Variants in ANKRD6 observed in about 807,000 individuals in gnomAD.
The protein encoded by ANKRD6 is ankyrin repeat domain 6.
ANKRD6 carries 56 observed loss-of-function variants against 82.3 expected under a neutral mutation model. The ratio of observed to expected loss-of-function variants is 0.68; its 90% confidence interval spans 0.55 to 0.85. The LOEUF (loss-of-function observed/expected upper bound fraction) is 0.85. ANKRD6 is among the 40% of genes least tolerant of loss of function. The pLI, the probability that ANKRD6 is intolerant of heterozygous loss-of-function variation, is 0.00. For synonymous variants in ANKRD6, 347 were observed against 352.1 expected (o/e 0.99, Z 0.16); for missense variants, 852 against 907.6 (o/e 0.94, Z 0.79).
chr6:89,603,159 A>G, intron 4 of ANKRD6, 32 bp downstream of exon 4: 1 of 1,565,850 alleles, frequency 6.4e-7, no homozygotes. Context: ...TTACTCCCCA[A>G]GGCAAGGGAA....
chr6:89,606,095 C>G lies in ANKRD6; in HGVS notation c.407C>G (p.Ala136Gly). 2 of 1,570,042 alleles carry G rather than the reference C, an allele frequency of 1.3e-6. No homozygotes were observed. Among genetic ancestry groups the G allele is most frequent in the South Asian group, 1.2e-5 (1 of 84,520 alleles). Residue 136 changes from alanine (A) to glycine (G), a missense_variant, in exon 5 of 16, where the codon GCC becomes GGC. Ala to Gly is a moderately conservative substitution (Grantham distance 60). Transcript: ENST00000339746. ...ATTAAAGCAGGAGCCAACGTGCTTG[C>G]CAAGAACAAGGTGAGGCCTGGCAGA... ...LLIKAGANVL[A>G]KNKAGNTALH...
intron 1 of ANKRD6, among the ~76,000 whole-genome samples, chr6:89,485,219 G>T (rs1382740644): frequency 6.6e-6 from 1 of 152,148 alleles, no homozygotes; most frequent in East Asian, 1.9e-4. Flanking sequence ...GTGGAGTATT[G>T]GCAAGCATCT....
chr6:89,630,773 C>T lies in ANKRD6; in HGVS notation c.1953C>T (p.Ser651=), dbSNP rs771125982. 12 of 1,613,710 alleles carry T rather than the reference C, an allele frequency of 7.4e-6. No homozygotes were observed. Among genetic ancestry groups the T allele is most frequent in the Non-Finnish European group, 9.3e-6 (11 of 1,179,854 alleles). Residue 651 remains serine (S), a synonymous_variant, in exon 16 of 16, where the codon AGC becomes AGT. Transcript: ENST00000339746. ...TCGQPPPATG[S]EQTGPHIRDT... ...GGCAGCCGCCACCAGCCACAGGCAG[C>T]GAGCAGACTGGCCCTCACATTCGGG... is the stretch of plus-strand genomic sequence containing the variant.
intron 9 of ANKRD6, chr6:89,619,673 G>A (rs530683156): frequency 6.6e-6 from 1 of 152,264 alleles, no homozygotes; most frequent in South Asian, 2.1e-4. Context: ...ATATGCTGAG[G>A]CTTTTTCTCA....
intron 1 of ANKRD6, among the ~76,000 whole-genome samples, chr6:89,502,777 C>G (rs1204508249): frequency 1.3e-5 from 2 of 152,124 alleles, no homozygotes; most frequent in African/African-American, 4.8e-5. Context: ...GTGGCAGGTA[C>G]TATTCTAAGT....
chr6:89,606,031 G>T lies in ANKRD6; in HGVS notation c.343G>T (p.Ala115Ser). ...DKDGNTALHE[A>S]SWHGFSQSAK... ...GGATGGGAATACAGCCTTGCATGAA[G>T]CATCCTGGCATGGTTTCAGCCAGTC... is the stretch of plus-strand genomic sequence containing the variant. Residue 115 changes from alanine to serine, a missense_variant, in exon 5 of 16, where the codon GCA becomes TCA. Ala to Ser is a moderately conservative substitution (Grantham distance 99). Coordinates refer to ENST00000339746, the MANE Select transcript of ANKRD6 (RefSeq NM_001242809.2). The T allele has an allele frequency of 6.3e-7, 1 of 1,596,132 alleles. No individual in the cohort carries two copies. Among genetic ancestry groups the T allele is most frequent in the Non-Finnish European group, 8.5e-7 (1 of 1,170,656 alleles).
At position 89,633,646 on chromosome 6, in the gene ANKRD6, T is replaced by G. The variant is rs1478431710; in HGVS notation, c.*2642T>G. ...ATAAATTAGTTCTAACTTTTGATTT[T>G]GGGAGCCCAAAATAAAGGGAGTGTT... is the stretch of plus-strand genomic sequence containing the variant. On this transcript the variant is annotated 3_prime_UTR_variant, in exon 16 of 16. Coordinates refer to ENST00000339746, the MANE Select transcript of ANKRD6 (RefSeq NM_001242809.2). The G allele has an allele frequency of 6.6e-6, 1 of 152,222 alleles. No homozygotes were observed. Among genetic ancestry groups the G allele is most frequent in the Non-Finnish European group, 1.5e-5 (1 of 68,034 alleles). 9.4% of individuals were successfully genotyped at this position (152,222 alleles called of 1,614,324 possible).
chr6:89,434,518 G>A (rs1465439324), intron 1 of ANKRD6, among the ~76,000 whole-genome samples: 3 of 152,040 alleles, frequency 2.0e-5, no homozygotes, highest in Non-Finnish European at 4.4e-5. Flanking sequence ...ACAGAGTTTC[G>A]CTCTGTTGCC....
At chr6:89,492,228 G>C (rs1778101389) in intron 1 of ANKRD6, among the ~76,000 whole-genome samples, 1 of 152,202 alleles carries the variant, frequency 6.6e-6, no homozygotes, top group African/African-American at 2.4e-5. Flanking sequence ...TGGGAAGAGA[G>C]AAGGGAGCAG....
chr6:89,509,347 A>G (rs1276734292), intron 1 of ANKRD6: 3 of 152,280 alleles, frequency 2.0e-5, no homozygotes, highest in African/African-American at 7.2e-5. Flanking sequence ...CACTGGGCCA[A>G]GTCAGTGACC....
chr6:89,581,016 C>T (rs892334398), intron 2 of ANKRD6, among the ~76,000 whole-genome samples: 2 of 152,160 alleles, frequency 1.3e-5, no homozygotes, highest in African/African-American at 2.4e-5. Context: ...GCCTAGTCCT[C>T]CTCCCATGCT....
At chr6:89,534,296 A>G (rs879401460) in intron 1 of ANKRD6, among the ~76,000 whole-genome samples, 1 of 152,192 alleles carries the variant, frequency 6.6e-6, no homozygotes, top group East Asian at 1.9e-4. Context: ...AAAGCTTTTC[A>G]ATTAATTTAT....
chr6:89,532,877 A>ATT (rs61548190), intron 1 of ANKRD6, among the ~76,000 whole-genome samples: 103 of 123,236 alleles, frequency 8.4e-4, no homozygotes, highest in Middle Eastern at 4.5e-3. Context: ...GATTTTTTGT[A>ATT]TTTTTTTTTT....
chr6:89,595,814 C>A, intron 2 of ANKRD6, 102 bp from the exon 3 acceptor site: 1 of 841,782 alleles, frequency 1.2e-6, no homozygotes, highest in South Asian at 1.5e-5. Context: ...AGGGAGTGAT[C>A]ATCCGAAAGC....
At chr6:89,459,203 C>T (rs1445879247) in intron 1 of ANKRD6, among the ~76,000 whole-genome samples, 1 of 151,978 alleles carries the variant, frequency 6.6e-6, no homozygotes, top group Non-Finnish European at 1.5e-5. Flanking sequence ...CTCAGCCTCC[C>T]GAGTAGCTGG....
chr6:89,468,941 T>C (rs1475027766), intron 1 of ANKRD6, among the ~76,000 whole-genome samples: 1 of 152,128 alleles, frequency 6.6e-6, no homozygotes, highest in Non-Finnish European at 1.5e-5. Flanking sequence ...TTAAGAATAA[T>C]GATTGTTGCC....
chr6:89,510,260 G>A (rs1212692375), intron 1 of ANKRD6, among the ~76,000 whole-genome samples: 2 of 152,130 alleles, frequency 1.3e-5, no homozygotes, highest in African/African-American at 4.8e-5. Context: ...TGAGATTTGA[G>A]GCTTGTTTGT....
At chr6:89,585,698 C>G (rs1468281228) in intron 2 of ANKRD6, among the ~76,000 whole-genome samples, 1 of 152,066 alleles carries the variant, frequency 6.6e-6, no homozygotes, top group African/African-American at 2.4e-5. Flanking sequence ...CACTTGAGGC[C>G]AGGGGTTTGA....
At chr6:89,536,358 T>C (rs923931860) in intron 1 of ANKRD6, among the ~76,000 whole-genome samples, 5 of 152,236 alleles carry the variant, frequency 3.3e-5, no homozygotes, top group African/African-American at 9.6e-5. Context: ...GCGGGCTGCC[T>C]CTGCGCCTTT....
Sources: allele counts gnomAD v4.1 joint callset (sites outside exome capture counted in the v4.1 genomes callset), GRCh38; gene constraint gnomAD v4.1.1; transcripts MANE v1.5; gene names NCBI Gene and HGNC (gene_info 2026-07-23, HGNC 2026-07-21).